Variants in MARCHF2 observed in about 807,000 individuals in gnomAD.
The protein encoded by MARCHF2 is E3 ubiquitin-protein ligase MARCHF2.
In MARCHF2, 22 loss-of-function variants were observed where a neutral mutation model predicts 24.0. That is an observed-to-expected ratio of 0.92 (90% CI 0.66 to 1.31). MARCHF2 has a LOEUF of 1.31. Ranked by LOEUF, MARCHF2 falls within the 50% of genes most tolerant of loss-of-function variation. MARCHF2 has a pLI of 0.00. For missense variants in MARCHF2, 301 were observed against 335.3 expected, an observed-to-expected ratio of 0.90 and a Z score of 0.80; for synonymous variants, 154 against 153.0, an observed-to-expected ratio of 1.01 and a Z score of -0.05.
At chr19:8,413,821 A>G (rs888918078) in intron 1 of MARCHF2, 2 of 152,194 alleles carry the variant, frequency 1.3e-5, no homozygotes, top group Admixed American at 6.5e-5. Flanking sequence ...TGACCCAGCC[A>G]CTTTGCACAA....
intron 1 of MARCHF2, among the ~76,000 whole-genome samples, chr19:8,420,089 T>C (rs1197132700): frequency 4.7e-5 from 7 of 148,850 alleles, no homozygotes; most frequent in African/African-American, 1.7e-4. Context: ...ACCCAGGAGG[T>C]GGAGCTTGCA....
intron 1 of MARCHF2, among the ~76,000 whole-genome samples, chr19:8,419,162 A>C (rs535867756): frequency 6.6e-5 from 10 of 151,732 alleles, no homozygotes. Context: ...GGAGTTTGAG[A>C]CCATCCTGGC....
At chr19:8,417,748 CTTTTTTTTTTT>C (rs71175853) in intron 1 of MARCHF2, among the ~76,000 whole-genome samples, 81 of 26,874 alleles carry the variant, frequency 3.0e-3, no homozygotes, top group African/African-American at 9.8e-3. Flanking sequence ...AATACCCTGT[CTTTTTTTTTTT>C]TTTTTTTTTT....
At position 8,430,377 on chromosome 19, in the gene MARCHF2, C is replaced by G. The variant is rs1227010991; in HGVS notation, c.373-281C>G. On this transcript the variant is annotated intron_variant, in intron 3 of 4. Coordinates refer to ENST00000215555, the MANE Select transcript of MARCHF2 (RefSeq NM_001005415.2). This position sits in a 1 kb window ranked among gnomAD's most constrained non-coding sequence, Gnocchi z 4.4. ...GACTCTGTCTCAAAAAATATATATA[C>G]ATACAAAATTAGCCGTGCATGGTGG... Among the ~76,000 whole-genome samples, 1 of 150,082 alleles carries G rather than the reference C, an allele frequency of 6.7e-6. No individual in the cohort carries two copies. The highest frequency in any genetic ancestry group is 1.5e-5 in the Non-Finnish European group (1 of 67,422).
chr19:8,423,151 C>G lies in MARCHF2; in HGVS notation c.176+1135C>G, dbSNP rs1009791157. ...CTCAGCTCACTGCAACCTCTGCCTC[C>G]TGGGTTCAAGCGATTCTCCTGCCTC... On this transcript the variant is annotated intron_variant, in intron 2 of 4. Coordinates refer to ENST00000215555, the MANE Select transcript of MARCHF2 (RefSeq NM_001005415.2). Among the ~76,000 whole-genome samples the G allele has an allele frequency of 3.2e-4, 48 of 150,940 alleles. 1 individual carries two copies. Among genetic ancestry groups the G allele is most frequent in the African/African-American group, 1.1e-3 (46 of 41,082 alleles).
At chr19:8,425,825 C>T (rs1262382157) in intron 2 of MARCHF2, among the ~76,000 whole-genome samples, 1 of 150,110 alleles carries the variant, frequency 6.7e-6, no homozygotes, top group Admixed American at 6.7e-5. Context: ...CCATGTTGGC[C>T]AGGCTGGTCT....
chr19:8,421,878 T>C lies in MARCHF2; in HGVS notation c.38T>C (p.Leu13Pro), dbSNP rs761480583. The C allele has an allele frequency of 3.1e-6, 5 of 1,613,236 alleles. No individual in the cohort carries two copies. Among genetic ancestry groups the C allele is most frequent in the East Asian group, 2.2e-5 (1 of 44,852 alleles). The change falls in exon 2 of 5, where the codon CTG becomes CCG. Residue 13 changes from leucine (L) to proline (P), a missense_variant. By Grantham distance (98) the Leu-to-Pro change is moderately conservative (BLOSUM62 -3). Transcript: ENST00000215555. ...TGDCCHLPGSLCDCSGSPAFS... is the reference protein window; with the variant it reads ...TGDCCHLPGSPCDCSGSPAFS... ...GACTGCTGCCACCTCCCCGGCTCCC[T>C]GTGTGACTGCTCCGGCAGCCCTGCC...
chr19:8,419,826 T>A (rs12971419), intron 1 of MARCHF2, among the ~76,000 whole-genome samples: 22,921 of 128,228 alleles, frequency 0.18, 3,021 homozygotes, highest in African/African-American at 0.38. Flanking sequence ...AAAAAAAAAA[T>A]AAATAAATAA....
intron 4 of MARCHF2, among the ~76,000 whole-genome samples, chr19:8,437,144 T>G (rs542235991): frequency 4.5e-4 from 69 of 151,966 alleles, no homozygotes; most frequent in African/African-American, 1.6e-3. Flanking sequence ...CACACCTGGC[T>G]AATTTTTAAA....
In MARCHF2 at chr19:8,430,752, G is replaced by C; in HGVS notation, c.467G>C (p.Gly156Ala). 6.2e-7 allele frequency: 1 copy of C among 1,611,532 alleles called. No individual in the cohort carries two copies. The highest frequency in any genetic ancestry group is 1.7e-4 in the Middle Eastern group (1 of 5,876). ...LFITPLAAISGWLCLRGAQDH... is the reference protein window; with the variant it reads ...LFITPLAAISAWLCLRGAQDH... Reference sequence around the variant, plus strand: ...ATCACACCGCTGGCCGCCATCTCAGGCTGGTTGTGCCTGCGCGGGGCCCAG... The same window carrying C: ...ATCACACCGCTGGCCGCCATCTCAGCCTGGTTGTGCCTGCGCGGGGCCCAG... Residue 156 changes from glycine to alanine, a missense_variant, in exon 4 of 5, where the codon GGC (glycine) becomes GCC (alanine). Gly to Ala is a moderately conservative substitution (Grantham distance 60, BLOSUM62 0). Coordinates refer to ENST00000215555, the MANE Select transcript of MARCHF2 (RefSeq NM_001005415.2). This position sits in a 1 kb window ranked among gnomAD's most constrained non-coding sequence, Gnocchi z 4.4.
Position 8,426,903 on chromosome 19 carries a change from G to A in MARCHF2, c.372+99G>A, listed in dbSNP as rs1967418862. 4 of 1,080,846 alleles carry A rather than the reference G, an allele frequency of 3.7e-6. No individual in the cohort carries two copies. The South Asian group carries it at 6.0e-5, about 16-fold the overall frequency. 67.0% of individuals were successfully genotyped at this position (1,080,846 alleles called of 1,614,324 possible). ...CCCGGGCAATCTGGTGGTCCTCCTA[G>A]GGCAGAACTCCCTACCGCCCCTGTC... On this transcript the variant is annotated intron_variant, in intron 3 of 4. Transcript: ENST00000215555.
rs1298134217 is a variant in MARCHF2 at position 8,419,705 on chromosome 19, A to G, written c.-52-2084A>G. 1.4e-5 allele frequency among the ~76,000 whole-genome samples: 2 copies of G among 146,340 alleles called. 1 individual carries two copies. Among genetic ancestry groups the G allele is most frequent in the African/African-American group, 5.1e-5 (2 of 39,006 alleles). The stretch of plus-strand genomic sequence containing the variant: ...GTGGCGGGCGCCTGTAGACCCAGCT[A>G]CTCGGGAGGCTGAGGCAGGAGAATG... On this transcript the variant is annotated intron_variant, in intron 1 of 4. Coordinates refer to ENST00000215555, the MANE Select transcript of MARCHF2 (RefSeq NM_001005415.2).
chr19:8,431,250 G>C (rs1403000836), intron 4 of MARCHF2, among the ~76,000 whole-genome samples: 1 of 152,060 alleles, frequency 6.6e-6, no homozygotes, highest in Non-Finnish European at 1.5e-5. Context: ...TGTAATCCCA[G>C]CACTTTGGGA....
intron 3 of MARCHF2, 147 bp downstream of exon 3, chr19:8,426,951 T>G: frequency 1.5e-6 from 1 of 670,248 alleles, no homozygotes. Flanking sequence ...CTGCTGATGG[T>G]GTGTCAGAAA....
chr19:8,433,416 C>T (rs765995604), intron 4 of MARCHF2, among the ~76,000 whole-genome samples: 10 of 151,532 alleles, frequency 6.6e-5, no homozygotes, highest in Non-Finnish European at 1.2e-4. Context: ...CGGTGGCTCA[C>T]GCCTGTAATT....
At chr19:8,428,057 A>G (rs1967458671) in intron 3 of MARCHF2, among the ~76,000 whole-genome samples, 1 of 151,918 alleles carries the variant, frequency 6.6e-6, no homozygotes, top group African/African-American at 2.4e-5. Flanking sequence ...TCAGGAGATC[A>G]AGACCTTCCT....
chr19:8,438,382 C>T lies in MARCHF2; in HGVS notation c.583-6C>T. ...GGCCTCCGCTCACTGCAGGGCTGCC[C>T]CACAGGTCTCCTTCCGCTACCACTG... is the stretch of plus-strand genomic sequence containing the variant. On this transcript the variant is annotated splice_region_variant and splice_polypyrimidine_tract_variant and intron_variant, in intron 4 of 4. Transcript: ENST00000215555. 1 of 1,613,136 alleles carries T rather than the reference C, an allele frequency of 6.2e-7. No homozygotes were observed. Among genetic ancestry groups the T allele is most frequent in the Non-Finnish European group, 8.5e-7 (1 of 1,180,012 alleles).
intron 1 of MARCHF2, among the ~76,000 whole-genome samples, chr19:8,421,122 T>G (rs965927667): frequency 8.6e-5 from 13 of 150,514 alleles, no homozygotes; most frequent in African/African-American, 2.2e-4. Context: ...CTGTTTTTTT[T>G]GGGTTTTTTT....
chr19:8,421,462 C>T (rs1477006069), intron 1 of MARCHF2, among the ~76,000 whole-genome samples: 4 of 142,534 alleles, frequency 2.8e-5, no homozygotes, highest in Admixed American at 7.1e-5. Flanking sequence ...CTCTTGACCT[C>T]GTGATCCACC....
Sources: allele counts gnomAD v4.1 joint callset (sites outside exome capture counted in the v4.1 genomes callset), GRCh38; gene constraint gnomAD v4.1.1; non-coding constraint Gnocchi (gnomAD v3.1); transcripts MANE v1.5; gene names NCBI Gene and HGNC (gene_info 2026-07-23, HGNC 2026-07-21).